The following TRDN variants were observed in gnomAD, a reference collection of about 807,000 sequenced individuals.
The protein encoded by TRDN is triadin in skeletal muscle.
In TRDN, 161 loss-of-function variants were observed where a neutral mutation model predicts 149.7. The observed-to-expected ratio is 1.08, with a 90% CI of 0.95 to 1.23. The LOEUF (loss-of-function observed/expected upper bound fraction) is 1.23. Ranked by LOEUF, TRDN falls within the 50% of genes most tolerant of loss-of-function variation. The probability of loss-of-function intolerance (pLI) is 0.00; values close to 1 mark genes in which losing one functional copy is unlikely to be tolerated. For synonymous variants in TRDN, 294 were observed against 250.5 expected (o/e 1.17, Z -1.64); for missense variants, 896 against 823.5 (o/e 1.09, Z -1.08).
chr6:123,433,162 A>ATATATATATATATAT lies in TRDN; in HGVS notation c.1051+4900_1051+4901insATATATATATATATA, dbSNP rs796874348. Among the ~76,000 whole-genome samples the ATATATATATATATAT allele has an allele frequency of 2.7e-3, 214 of 79,962 alleles. 12 individuals carry two copies. Among genetic ancestry groups the ATATATATATATATAT allele is most frequent in the East Asian group, 5.5e-3 (14 of 2,534 alleles). The allele number at this position is 79,962 out of a possible 152,430, so 52.5% of individuals were successfully genotyped here. On this transcript the variant is annotated intron_variant, in intron 12 of 40. Transcript: ENST00000334268. ...ATCATAAATATATATATATATATAT[A>ATATATATATATATAT]ATATATATATATATATATATACATC...
intron 38 of TRDN, among the ~76,000 whole-genome samples, chr6:123,225,861 T>A (rs188413700): frequency 3.3e-5 from 5 of 151,902 alleles, no homozygotes; most frequent in African/African-American, 1.2e-4. Flanking sequence ...GCAATTCTAA[T>A]GCAATATAAC....
intron 10 of TRDN, among the ~76,000 whole-genome samples, chr6:123,461,730 A>G (rs1776460624): frequency 1.3e-5 from 2 of 152,224 alleles, no homozygotes; most frequent in Admixed American, 1.3e-4. Flanking sequence ...TCTGAGAAAT[A>G]CAGTTCTTGA....
chr6:123,393,070 C>T (rs1772566090), intron 13 of TRDN, among the ~76,000 whole-genome samples: 1 of 152,034 alleles, frequency 6.6e-6, no homozygotes, highest in African/African-American at 2.4e-5. Flanking sequence ...TCAAATTAAT[C>T]CTCATGGTGT....
chr6:123,247,745 C>T (rs1351903095), intron 38 of TRDN, among the ~76,000 whole-genome samples: 1 of 152,106 alleles, frequency 6.6e-6, no homozygotes, highest in African/African-American at 2.4e-5. Context: ...ATTAGAAAAA[C>T]TACTTTAGAT....
intron 23 of TRDN, among the ~76,000 whole-genome samples, chr6:123,317,927 A>G (rs1192143200): frequency 6.6e-6 from 1 of 152,036 alleles, no homozygotes; most frequent in East Asian, 1.9e-4. Flanking sequence ...TAAAAATTCA[A>G]TGTCACATAG....
chr6:123,485,906 T>G (rs2114782461), intron 9 of TRDN, among the ~76,000 whole-genome samples: 1 of 152,248 alleles, frequency 6.6e-6, no homozygotes, highest in South Asian at 2.1e-4. Flanking sequence ...ATTTTCTCTT[T>G]TATTTGCTCC....
At chr6:123,250,298 T>C (rs1481833848) in intron 38 of TRDN, among the ~76,000 whole-genome samples, 1 of 151,362 alleles carries the variant, frequency 6.6e-6, no homozygotes, top group Non-Finnish European at 1.5e-5. Flanking sequence ...GGGAAGAGAG[T>C]GATGGCCACA....
chr6:123,352,365 C>T (rs940312857), intron 21 of TRDN, 174 bp downstream of exon 21: 80 of 984,926 alleles, frequency 8.1e-5, no homozygotes, highest in Non-Finnish European at 1.3e-5. Context: ...AAAGAAAGAC[C>T]AACCCAGATT....
intron 5 of TRDN, among the ~76,000 whole-genome samples, chr6:123,519,613 T>G (rs778066044): frequency 2.0e-5 from 3 of 152,008 alleles, no homozygotes; most frequent in Non-Finnish European, 4.4e-5. Flanking sequence ...TGTAAAGTAC[T>G]GATTTGTATA....
intron 2 of TRDN, among the ~76,000 whole-genome samples, chr6:123,551,103 T>A (rs1386774667): frequency 1.3e-5 from 2 of 150,980 alleles, no homozygotes; most frequent in Non-Finnish European, 3.0e-5. Flanking sequence ...TCCATTTCCC[T>A]TCTTTCTAAG....
At chr6:123,324,237 T>C (rs560426128) in intron 23 of TRDN, among the ~76,000 whole-genome samples, 70 of 152,262 alleles carry the variant, frequency 4.6e-4, no homozygotes, top group African/African-American at 1.3e-3. Flanking sequence ...ATGTCATAGG[T>C]TTAAGTATGA....
At chr6:123,504,260 G>A (rs1329166819) in intron 7 of TRDN, among the ~76,000 whole-genome samples, 1 of 152,020 alleles carries the variant, frequency 6.6e-6, no homozygotes, top group Non-Finnish European at 1.5e-5. Context: ...GAATTTCTGT[G>A]AAAGACAATT....
intron 5 of TRDN, among the ~76,000 whole-genome samples, chr6:123,524,278 A>G (rs1405095898): frequency 1.3e-5 from 2 of 152,162 alleles, no homozygotes; most frequent in African/African-American, 4.8e-5. Flanking sequence ...ACATTAGATG[A>G]AAGAAGTCTG....
chr6:123,336,782 A>T (rs545615451), intron 22 of TRDN, among the ~76,000 whole-genome samples: 130 of 151,404 alleles, frequency 8.6e-4, no homozygotes, highest in African/African-American at 3.1e-3. Flanking sequence ...ATTTAAATAG[A>T]TGAATTTTAG....
intron 2 of TRDN, among the ~76,000 whole-genome samples, chr6:123,557,604 A>G (rs545732719): frequency 7.9e-5 from 12 of 152,202 alleles, no homozygotes; most frequent in African/African-American, 2.9e-4. Context: ...GACTCGGGAA[A>G]ACAGTCTTCC....
intron 9 of TRDN, among the ~76,000 whole-genome samples, chr6:123,480,945 A>G (rs1415860993): frequency 6.6e-6 from 1 of 152,058 alleles, no homozygotes; most frequent in Admixed American, 6.6e-5. Context: ...GACTCCTAGA[A>G]TCTGTTGTTT....
intron 2 of TRDN, among the ~76,000 whole-genome samples, chr6:123,551,759 T>G (rs1184474219): frequency 2.6e-5 from 4 of 151,990 alleles, no homozygotes; most frequent in Non-Finnish European, 4.4e-5. Context: ...TAGTAAGTGA[T>G]GGAGCCACGT....
At chr6:123,516,438 T>C (rs962077101) in intron 5 of TRDN, among the ~76,000 whole-genome samples, 1 of 152,138 alleles carries the variant, frequency 6.6e-6, no homozygotes, top group African/African-American at 2.4e-5. Flanking sequence ...CCAAGTCTGA[T>C]TGCAAAGATA....
At chr6:123,512,874 T>C (rs1779247784) in intron 6 of TRDN, among the ~76,000 whole-genome samples, 1 of 152,176 alleles carries the variant, frequency 6.6e-6, no homozygotes, top group South Asian at 2.1e-4. Flanking sequence ...TGCACTGATT[T>C]GTTAGAGGAA....
Sources: gnomAD v4.1 joint callset for allele counts (sites outside exome capture counted in the v4.1 genomes callset) on GRCh38, gnomAD v4.1.1 for gene constraint, MANE v1.5 for transcripts, NCBI Gene and HGNC (gene_info 2026-07-23, HGNC 2026-07-21) for gene names.